The following DYTN variants were observed in gnomAD, a reference collection of about 807,000 sequenced individuals.
DYTN encodes the protein dystrotelin.
Under a neutral mutation model 69.6 loss-of-function variants are expected in DYTN, and 75 were observed. The observed-to-expected ratio is 1.08, with a 90% confidence interval of 0.89 to 1.31. The LOEUF is 1.31. Among genes scored for constraint, DYTN ranks in the 50% most tolerant of loss-of-function variants. The pLI is 0.00. For missense variants in DYTN, 726 were observed against 688.4 expected (o/e 1.05, Z -0.61); for synonymous variants, 252 against 249.1 (o/e 1.01, Z -0.11).
chr2:206,668,383 AAAG>A (rs1699596726), intron 9 of DYTN, among the ~76,000 whole-genome samples: 1 of 152,286 alleles, frequency 6.6e-6, no homozygotes, highest in Non-Finnish European at 1.5e-5. Context: ...GCTTCTTTTT[AAAG>A]AAGAGATGCT....
At chr2:206,664,144 A>G (rs1184320660) in intron 10 of DYTN, among the ~76,000 whole-genome samples, 4 of 152,168 alleles carry the variant, frequency 2.6e-5, no homozygotes, top group Non-Finnish European at 5.9e-5. Context: ...TTTTAAAAAT[A>G]TGAACACATG....
intron 11 of DYTN, among the ~76,000 whole-genome samples, chr2:206,653,274 CTTA>C (rs1322732623): frequency 6.6e-6 from 1 of 152,150 alleles, no homozygotes; most frequent in African/African-American, 2.4e-5. Flanking sequence ...TGTAATTTTT[CTTA>C]TTGTTATTCA....
chr2:206,698,767 G>T (rs771586691), intron 7 of DYTN, among the ~76,000 whole-genome samples: 3 of 152,168 alleles, frequency 2.0e-5, no homozygotes, highest in Non-Finnish European at 2.9e-5. Flanking sequence ...TCCAAATCTA[G>T]CTCTCAAATC....
At chr2:206,694,674 T>C (rs1699900549) in intron 8 of DYTN, 92 bp downstream of exon 8, 3 of 986,458 alleles carry the variant, frequency 3.0e-6, no homozygotes, top group South Asian at 4.2e-5. Flanking sequence ...AGGAGCAGAA[T>C]CTGTGGTTTC....
intron 2 of DYTN, among the ~76,000 whole-genome samples, chr2:206,710,029 T>G (rs1700065241): frequency 6.6e-6 from 1 of 152,204 alleles, no homozygotes; most frequent in African/African-American, 2.4e-5. Flanking sequence ...CTCGAGATAG[T>G]TTTAAAATTC....
chr2:206,665,764 G>A (rs1699563266), intron 10 of DYTN, 106 bp downstream of exon 10: 1 of 1,373,920 alleles, frequency 7.3e-7, no homozygotes, highest in Non-Finnish European at 9.9e-7. Context: ...GAAGAGGCAA[G>A]GGAAGAGGCT....
At chr2:206,662,627 C>T (rs1201217149) in intron 11 of DYTN, among the ~76,000 whole-genome samples, 2 of 151,446 alleles carry the variant, frequency 1.3e-5, no homozygotes, top group African/African-American at 4.9e-5. Flanking sequence ...CAATATTTTG[C>T]AATAACAAAA....
At chr2:206,655,018 G>C (rs926100784) in intron 11 of DYTN, among the ~76,000 whole-genome samples, 6 of 152,162 alleles carry the variant, frequency 3.9e-5, no homozygotes, top group Non-Finnish European at 7.3e-5. Flanking sequence ...ATGTTGAATA[G>C]ATGTAGTGAA....
At chr2:206,713,021 T>C (rs1182122326) in intron 1 of DYTN, among the ~76,000 whole-genome samples, 2 of 152,216 alleles carry the variant, frequency 1.3e-5, no homozygotes, top group Admixed American at 6.5e-5. Context: ...TGAGCAGAGA[T>C]GAACTTAGAG....
chr2:206,718,168 A>C (rs974613393), intron 1 of DYTN, 93 bp downstream of exon 1: 1 of 1,344,252 alleles, frequency 7.4e-7, no homozygotes, highest in Non-Finnish European at 9.9e-7. Flanking sequence ...CCAAATGTTT[A>C]CTCTTCTTCA....
chr2:206,691,366 T>A (rs1353063319), intron 9 of DYTN, among the ~76,000 whole-genome samples: 1 of 151,928 alleles, frequency 6.6e-6, no homozygotes, highest in Non-Finnish European at 1.5e-5. Flanking sequence ...CGAGCCGAGA[T>A]GGTGCCACTA....
intron 5 of DYTN, among the ~76,000 whole-genome samples, chr2:206,704,553 G>A (rs1700006681): frequency 6.6e-6 from 1 of 152,180 alleles, no homozygotes; most frequent in African/African-American, 2.4e-5. Flanking sequence ...TACAACTCTA[G>A]AGAGAGTAAA....
intron 11 of DYTN, among the ~76,000 whole-genome samples, chr2:206,657,403 A>G (rs774471829): frequency 6.6e-6 from 1 of 152,306 alleles, no homozygotes. Context: ...TCAGCCTCTC[A>G]AAGTGCTGGG....
intron 9 of DYTN, among the ~76,000 whole-genome samples, chr2:206,669,190 A>G (rs1314242494): frequency 6.6e-6 from 1 of 152,232 alleles, no homozygotes; most frequent in Non-Finnish European, 1.5e-5. Flanking sequence ...ATAATTGACT[A>G]TCAGTGAACT....
chr2:206,700,374 C>A (rs1021907097), intron 5 of DYTN, among the ~76,000 whole-genome samples, 158 bp from the exon 6 acceptor site: 1 of 151,936 alleles, frequency 6.6e-6, no homozygotes, highest in African/African-American at 2.4e-5. Context: ...CAAAGAAATG[C>A]GTGGGTTTTG....
chr2:206,663,095 G>C lies in DYTN; in HGVS notation c.1441C>G (p.Pro481Ala), dbSNP rs1483483160. 1 of 1,613,868 alleles carries C rather than the reference G, an allele frequency of 6.2e-7. No homozygotes were observed. The highest frequency in any genetic ancestry group is 8.5e-7 in the Non-Finnish European group (1 of 1,179,884). Residue 481 changes from proline to alanine, a missense_variant, in exon 11 of 12, where the codon CCC becomes GCC. Pro to Ala is a conservative substitution (Grantham distance 27). Transcript: ENST00000452335. ...KMPQKVISAL[P>A]SYQEGLKQDI... ...TGCTTCAGTCCCTCCTGATAACTGG[G>C]TAGGGCACTAATGACTTTCTGTGGC...
intron 5 of DYTN, among the ~76,000 whole-genome samples, chr2:206,704,288 A>G (rs1700003823): frequency 6.6e-6 from 1 of 152,194 alleles, no homozygotes; most frequent in South Asian, 2.1e-4. Context: ...AATGATTGAG[A>G]GATATTGAAA....
intron 9 of DYTN, among the ~76,000 whole-genome samples, chr2:206,687,699 G>T (rs1699827370): frequency 6.6e-6 from 1 of 151,702 alleles, no homozygotes; most frequent in East Asian, 1.9e-4. Context: ...GCAAAATAAG[G>T]GCCAATTTTC....
chr2:206,665,289 G>A (rs1699557716), intron 10 of DYTN, among the ~76,000 whole-genome samples: 1 of 152,032 alleles, frequency 6.6e-6, no homozygotes, highest in Non-Finnish European at 1.5e-5. Flanking sequence ...GTTTAAAAAT[G>A]TTATCTGTAT....
Sources: gnomAD v4.1 joint callset for allele counts (sites outside exome capture counted in the v4.1 genomes callset) on GRCh38, gnomAD v4.1.1 for gene constraint, MANE v1.5 for transcripts, NCBI Gene and HGNC (gene_info 2026-07-23, HGNC 2026-07-21) for gene names.